The following RNF126 variants were observed in gnomAD, a reference collection of about 807,000 sequenced individuals.
RNF126 encodes ring finger protein 126.
RNF126 carries 20 observed loss-of-function variants against 41.9 expected under a neutral mutation model. The ratio of observed to expected loss-of-function variants is 0.48; its 90% CI spans 0.34 to 0.69. The LOEUF is 0.69. Ranked by LOEUF, RNF126 falls within the 30% of genes least tolerant of loss-of-function variation. The pLI is 0.01. For missense variants in RNF126, 433 were observed against 460.6 expected (o/e 0.94, Z 0.55); for synonymous variants, 239 against 202.9 (o/e 1.18, Z -1.51).
chr19:654,785 G>A (rs1215166547), intron 1 of RNF126, among the ~76,000 whole-genome samples: 2 of 151,060 alleles, frequency 1.3e-5, no homozygotes, highest in Non-Finnish European at 2.9e-5. Flanking sequence ...TGGACAACAT[G>A]GAGAAACCCC....
chr19:652,700 G>A (rs73503985), intron 2 of RNF126, 126 bp downstream of exon 2: 70,737 of 837,264 alleles, frequency 0.084, 3,431 homozygotes, highest in African/African-American at 0.11. Context: ...AAGTGCTCCC[G>A]GAGCCACAGA....
At chr19:652,531 G>C (rs901918309) in intron 2 of RNF126, 1 of 602,694 alleles carries the variant, frequency 1.7e-6, no homozygotes, top group Non-Finnish European at 2.9e-6. Context: ...GTGAGAATGT[G>C]GGTAGGGCCC....
rs1015286139 is a variant in RNF126, at chr19:647,754, C to T, written c.*374G>A. On this transcript the variant is annotated 3_prime_UTR_variant, in exon 9 of 9. Coordinates refer to ENST00000292363, the MANE Select transcript of RNF126 (RefSeq NM_194460.3). ...GGAGCCGCTGAACCCCGTGCTTCAG[C>T]GCTGGGGGAGCCGCTGGGCCCCGTC... The T allele has an allele frequency of 1.2e-5, 4 of 342,744 alleles. No homozygotes were observed. Among genetic ancestry groups the T allele is most frequent in the Admixed American group, 4.0e-5 (1 of 25,200 alleles). The allele number at this position is 342,744 out of a possible 1,614,324, so 21.2% of individuals were successfully genotyped here.
At chr19:651,923 A>T (rs2030319813) in intron 3 of RNF126, 68 bp from the exon 4 acceptor site, 2 of 1,424,762 alleles carry the variant, frequency 1.4e-6, no homozygotes, top group Non-Finnish European at 9.5e-7. Flanking sequence ...GCGCTAGGGC[A>T]CAAAGACAAA....
At chr19:648,835 G>T in intron 7 of RNF126, 47 bp downstream of exon 7, 2 of 1,141,780 alleles carry the variant, frequency 1.8e-6, no homozygotes, top group Non-Finnish European at 1.2e-6. Context: ...CAGGCGTGGC[G>T]GCGGGTGCCT....
rs954697231 is a variant in RNF126 at position 659,723 on chromosome 19, C to T, written c.75+3324G>A. Among the ~76,000 whole-genome samples the T allele has an allele frequency of 2.0e-5, 3 of 151,824 alleles. No individual in the cohort carries two copies. Among genetic ancestry groups the T allele is most frequent in the Admixed American group, 6.6e-5 (1 of 15,244 alleles). ...CCGCCACACGCCCCACTCTGGCTGA[C>T]GCTCCCTTTGCTGCTCAGACACCCA... On this transcript the variant is annotated intron_variant, in intron 1 of 8. Coordinates refer to ENST00000292363, the MANE Select transcript of RNF126 (RefSeq NM_194460.3). The surrounding 1 kb of genome is among the most constrained non-coding windows in gnomAD (Gnocchi z 4.9).
At position 648,364 on chromosome 19, in the gene RNF126, G is replaced by GGGGGGGGGGGGGGGGGGGGGGGGCCCC; in HGVS notation, c.786+7_786+8insGGGGCCCCCCCCCCCCCCCCCCCCCCC. On this transcript the variant is annotated splice_region_variant and intron_variant, in intron 8 of 8. Coordinates refer to ENST00000292363, the MANE Select transcript of RNF126 (RefSeq NM_194460.3). The stretch of plus-strand genomic sequence containing the variant: ...CGGGGTGGGGGGGCGGGTGGGCGGG[G>GGGGGGGGGGGGGGGGGGGGGGGGCCCC]CACTCACCTGCTCCAGCCAGGGCAC... The GGGGGGGGGGGGGGGGGGGGGGGGCCCC allele has an allele frequency of 2.0e-6, 1 of 510,480 alleles. No homozygotes were observed. The highest frequency in any genetic ancestry group is 6.1e-4 in the Middle Eastern group (1 of 1,642). The allele number at this position is 510,480 out of a possible 1,614,324, so 31.6% of individuals were successfully genotyped here.
At chr19:660,161 G>A (rs190692446) in intron 1 of RNF126, among the ~76,000 whole-genome samples, 9 of 152,354 alleles carry the variant, frequency 5.9e-5, no homozygotes, top group South Asian at 4.1e-4. Flanking sequence ...ACACCCTCAC[G>A]AGTCACCAGG....
intron 1 of RNF126, among the ~76,000 whole-genome samples, chr19:653,451 T>C (rs1568191973): frequency 6.6e-6 from 1 of 152,184 alleles, no homozygotes; most frequent in Non-Finnish European, 1.5e-5. Flanking sequence ...CAGCCGTGGG[T>C]GAGTCCCAAA....
chr19:654,791 A>G (rs1052217828), intron 1 of RNF126, among the ~76,000 whole-genome samples: 1 of 150,778 alleles, frequency 6.6e-6, no homozygotes, highest in African/African-American at 2.4e-5. Context: ...ACATGGAGAA[A>G]CCCCGTCTCT....
chr19:649,254 G>A (rs1481386153), intron 6 of RNF126: 9 of 316,736 alleles, frequency 2.8e-5, no homozygotes, highest in South Asian at 1.1e-4. Flanking sequence ...GTGCCCTGAC[G>A]GCGGAATGGG....
intron 1 of RNF126, 88 bp downstream of exon 1, chr19:662,959 G>C (rs967226185): frequency 3.8e-6 from 2 of 526,646 alleles, no homozygotes; most frequent in East Asian, 8.3e-5. Flanking sequence ...CGCAAGAGGC[G>C]GGCGCAAGCG....
chr19:658,331 C>T (rs1366349344), intron 1 of RNF126, among the ~76,000 whole-genome samples: 2 of 151,998 alleles, frequency 1.3e-5, no homozygotes, highest in African/African-American at 2.4e-5. Context: ...GGGGAGTGGG[C>T]TGGCGACCTA....
chr19:652,876 G>A lies in RNF126; in HGVS notation c.84C>T (p.Ile28=). Residue 28 remains isoleucine (I), a synonymous_variant, in exon 2 of 9, where the codon ATC becomes ATT. Transcript: ENST00000292363. ...TAAAACCAGACTCGCATCTTGGACA[G>A]ATATAATCCTGCAGGAGAGAACAGG... The part of the protein sequence containing the change: ...VEIVPRLPDY[I]CPRCESGFIE... The A allele has an allele frequency of 3.7e-6, 6 of 1,612,872 alleles. No individual in the cohort carries two copies. Among genetic ancestry groups the A allele is most frequent in the Admixed American group, 1.7e-5 (1 of 59,934 alleles).
chr19:648,498 G>T lies in RNF126; in HGVS notation c.671-11C>A, dbSNP rs767460918. The T allele has an allele frequency of 2.1e-5, 32 of 1,555,298 alleles. No individual in the cohort carries two copies. The highest frequency in any genetic ancestry group is 2.8e-5 in the Non-Finnish European group (32 of 1,153,324). On this transcript the variant is annotated splice_polypyrimidine_tract_variant and intron_variant, in intron 7 of 8. Transcript: ENST00000292363. ...ACTCGAGCCCGGAGCCTGCGGGAGT[G>T]TGCAGCTGCGGTCACAGCGGGCGTG...
chr19:651,667 G>A lies in RNF126; in HGVS notation c.387C>T (p.Ala129=). The change falls in exon 4 of 9, where the codon GCC becomes GCT. Residue 129 remains alanine (A), a synonymous_variant. Coordinates refer to ENST00000292363, the MANE Select transcript of RNF126 (RefSeq NM_194460.3). ...CGGTGGCCCGCCGCGTGGTGAGGCG[G>A]GCGCGGGGCTGTCGGGCGCCGTACC... ...RHRYGARQPR[A]RLTTRRATGR... 1 of 1,553,158 alleles carries A rather than the reference G, an allele frequency of 6.4e-7. No individual in the cohort carries two copies. The highest frequency in any genetic ancestry group is 1.8e-4 in the Middle Eastern group (1 of 5,606).
rs372154325 is a variant in RNF126, at chr19:648,284, G to A, written c.787-7C>T. On this transcript the variant is annotated splice_polypyrimidine_tract_variant and splice_region_variant and intron_variant, in intron 8 of 8. Coordinates refer to ENST00000292363, the MANE Select transcript of RNF126 (RefSeq NM_194460.3). ...AGACGGGGCAGCTGTCGTGCTTTGT[G>A]GGGACAGAGGCAGGGACGGGAGAAG... 3.2e-6 allele frequency: 5 copies of A among 1,555,966 alleles called. No homozygotes were observed. The East Asian group carries it at 9.7e-5, about 30-fold the overall frequency.
rs1383788024 is a variant in RNF126 at position 659,073 on chromosome 19, T to G, written c.75+3974A>C. Among the ~76,000 whole-genome samples the G allele has an allele frequency of 6.6e-6, 1 of 152,160 alleles. No individual in the cohort carries two copies. Among genetic ancestry groups the G allele is most frequent in the Non-Finnish European group, 1.5e-5 (1 of 68,024 alleles). On this transcript the variant is annotated intron_variant, in intron 1 of 8. Transcript: ENST00000292363. The surrounding 1 kb of genome is among the most constrained non-coding windows in gnomAD (Gnocchi z 4.9). ...TCACAGGGTGCTGCAGGGAGCCCGT[T>G]CCGGAGAACCCAGCTGTGCAGAGCC...
At chr19:649,783 G>C in intron 5 of RNF126, 35 bp from the exon 6 acceptor site, 1 of 1,509,412 alleles carries the variant, frequency 6.6e-7, no homozygotes, top group Non-Finnish European at 9.0e-7. Context: ...GTGGCTGACG[G>C]GCAGCTGGGG....
Sources: gnomAD v4.1 joint callset for allele counts (sites outside exome capture counted in the v4.1 genomes callset) on GRCh38, gnomAD v4.1.1 for gene constraint, Gnocchi (gnomAD v3.1) non-coding constraint, MANE v1.5 for transcripts, NCBI Gene and HGNC (gene_info 2026-07-23, HGNC 2026-07-21) for gene names.